Variants in FAM241A observed in about 807,000 individuals in gnomAD.
FAM241A encodes uncharacterized protein FAM241A.
In FAM241A, 7 loss-of-function variants were observed where a neutral mutation model predicts 12.2. The ratio of observed to expected loss-of-function variants is 0.58; its 90% CI spans 0.33 to 1.08. FAM241A has a LOEUF of 1.08. FAM241A is among the 50% of genes least tolerant of loss of function. The pLI is 0.04. For synonymous variants in FAM241A, 74 were observed against 68.2 expected (o/e 1.08, Z -0.42); for missense variants, 161 against 169.7 (o/e 0.95, Z 0.29).
chr4:112,158,051 G>GA (rs1723388859), intron 1 of FAM241A, among the ~76,000 whole-genome samples: 1 of 151,890 alleles, frequency 6.6e-6, no homozygotes, highest in Admixed American at 6.6e-5. Context: ...AAACACTTGA[G>GA]AAAAATTACG....
chr4:112,164,734 A>G (rs1176580252), intron 1 of FAM241A, among the ~76,000 whole-genome samples: 2 of 152,252 alleles, frequency 1.3e-5, no homozygotes, highest in Non-Finnish European at 2.9e-5. Flanking sequence ...AGAATATATA[A>G]GGAGCTCAAA....
intron 1 of FAM241A, among the ~76,000 whole-genome samples, chr4:112,161,213 A>C (rs1723460335): frequency 6.6e-6 from 1 of 152,230 alleles, no homozygotes; most frequent in Admixed American, 6.5e-5. Flanking sequence ...AAAGCAGGAA[A>C]GATCTGAAAT....
At chr4:112,174,217 G>A (rs989013063) in intron 1 of FAM241A, among the ~76,000 whole-genome samples, 1 of 152,206 alleles carries the variant, frequency 6.6e-6, no homozygotes, top group African/African-American at 2.4e-5. Flanking sequence ...TCCCCTCCCT[G>A]CACTCACTGT....
At chr4:112,166,023 T>C (rs1031769701) in intron 1 of FAM241A, among the ~76,000 whole-genome samples, 2 of 151,762 alleles carry the variant, frequency 1.3e-5, no homozygotes, top group African/African-American at 4.8e-5. Context: ...CCCACAAATA[T>C]AGACACCTAC....
At chr4:112,180,909 T>C (rs1216987056) in intron 1 of FAM241A, among the ~76,000 whole-genome samples, 1 of 152,200 alleles carries the variant, frequency 6.6e-6, no homozygotes, top group Non-Finnish European at 1.5e-5. Flanking sequence ...ATAATTCTTA[T>C]GGAAGCAATA....
chr4:112,185,474 G>A (rs897301209), intron 1 of FAM241A, among the ~76,000 whole-genome samples: 23 of 152,032 alleles, frequency 1.5e-4, no homozygotes, highest in African/African-American at 5.3e-4. Flanking sequence ...GCCCTCCAGC[G>A]GATTCTAACG....
chr4:112,171,926 T>C (rs1198838055), intron 1 of FAM241A, among the ~76,000 whole-genome samples: 1 of 152,180 alleles, frequency 6.6e-6, no homozygotes, highest in Non-Finnish European at 1.5e-5. Context: ...TTTTTGCTGA[T>C]GTAAGTGAAT....
chr4:112,182,306 T>C (rs1456549584), intron 1 of FAM241A, among the ~76,000 whole-genome samples: 56 of 151,592 alleles, frequency 3.7e-4, no homozygotes, highest in Non-Finnish European at 1.5e-5. Flanking sequence ...TCGGATGACC[T>C]TTTGATAGCT....
At chr4:112,147,514 A>G (rs1354307023) in intron 1 of FAM241A, among the ~76,000 whole-genome samples, 2 of 152,220 alleles carry the variant, frequency 1.3e-5, no homozygotes, top group Non-Finnish European at 2.9e-5. Context: ...TTTCTTGGTA[A>G]TGTTATCACA....
At chr4:112,154,949 G>C (rs758237839) in intron 1 of FAM241A, among the ~76,000 whole-genome samples, 1 of 151,986 alleles carries the variant, frequency 6.6e-6, no homozygotes, top group Non-Finnish European at 1.5e-5. Flanking sequence ...TAGAAGAATC[G>C]CTTGAACCCA....
rs1724219553 is a variant in FAM241A at position 112,194,067 on chromosome 4, C to T, written c.*7129C>T. 1 of 140,530 alleles carries T rather than the reference C, an allele frequency of 7.1e-6. No homozygotes were observed. Among genetic ancestry groups the T allele is most frequent in the Non-Finnish European group, 1.5e-5 (1 of 65,976 alleles). 8.7% of individuals were successfully genotyped at this position (140,530 alleles called of 1,614,324 possible). A position where few individuals can be genotyped will look rare whatever the true frequency, so the allele number is the denominator to read the frequency against. On this transcript the variant is annotated 3_prime_UTR_variant, in exon 2 of 2. Transcript: ENST00000309733. ...TCTCCTTGAAGAGGTCCTTCACGTC[C>T]CTTGTAAGTTGGATTCCTAGGTATT...
At chr4:112,165,921 T>G (rs1197282500) in intron 1 of FAM241A, among the ~76,000 whole-genome samples, 1 of 152,222 alleles carries the variant, frequency 6.6e-6, no homozygotes, top group Non-Finnish European at 1.5e-5. Flanking sequence ...GGATTGTTTG[T>G]AACACAAAAG....
At chr4:112,168,352 A>G (rs1723643737) in intron 1 of FAM241A, among the ~76,000 whole-genome samples, 1 of 152,210 alleles carries the variant, frequency 6.6e-6, no homozygotes, top group Non-Finnish European at 1.5e-5. Flanking sequence ...TGATAGCTTA[A>G]TAGATATTTC....
chr4:112,154,787 C>T (rs1021104640), intron 1 of FAM241A, among the ~76,000 whole-genome samples: 9 of 151,896 alleles, frequency 5.9e-5, no homozygotes, highest in Admixed American at 2.6e-4. Context: ...AATCCCAGCA[C>T]TTTGGGAGGC....
At chr4:112,167,366 G>C (rs1723620929) in intron 1 of FAM241A, among the ~76,000 whole-genome samples, 1 of 152,160 alleles carries the variant, frequency 6.6e-6, no homozygotes, top group Admixed American at 6.5e-5. Flanking sequence ...GAAAAAGGGA[G>C]ATGAAGACAC....
chr4:112,189,751 T>C lies in FAM241A; in HGVS notation c.*2813T>C, dbSNP rs772893082. On this transcript the variant is annotated 3_prime_UTR_variant, in exon 2 of 2. Coordinates refer to ENST00000309733, the MANE Select transcript of FAM241A (RefSeq NM_152400.3). ...GGCTTACAAGAGCCAACTGTGAACA[T>C]TTTTTCTGCCTTCAGTGCTGTCAAG... 6.6e-6 allele frequency: 1 copy of C among 152,152 alleles called. No homozygotes were observed. The highest frequency in any genetic ancestry group is 2.1e-4 in the South Asian group (1 of 4,834). The allele number at this position is 152,152 out of a possible 1,614,324, so 9.4% of individuals were successfully genotyped here.
At position 112,191,616 on chromosome 4, in the gene FAM241A, T is replaced by C. The variant is rs1724165775; in HGVS notation, c.*4678T>C. On this transcript the variant is annotated 3_prime_UTR_variant, in exon 2 of 2. Transcript: ENST00000309733. Reference sequence around the variant, plus strand: ...TACTTCCAGAACTTTGTACATGCTTTACTTCTTTAACTGCTCCCTACCAGA... The same window carrying C: ...TACTTCCAGAACTTTGTACATGCTTCACTTCTTTAACTGCTCCCTACCAGA... 1 of 151,814 alleles carries C rather than the reference T, an allele frequency of 6.6e-6. No individual in the cohort carries two copies. Among genetic ancestry groups the C allele is most frequent in the Non-Finnish European group, 1.5e-5 (1 of 68,070 alleles). 9.4% of individuals were successfully genotyped at this position (151,814 alleles called of 1,614,324 possible).
At chr4:112,160,972 G>T (rs149851578) in intron 1 of FAM241A, among the ~76,000 whole-genome samples, 1 of 152,094 alleles carries the variant, frequency 6.6e-6, no homozygotes, top group Non-Finnish European at 1.5e-5. Flanking sequence ...GAAAACATTG[G>T]GGAAAAGCTC....
chr4:112,163,606 A>G (rs1352338115), intron 1 of FAM241A, among the ~76,000 whole-genome samples: 1 of 152,250 alleles, frequency 6.6e-6, no homozygotes, highest in Non-Finnish European at 1.5e-5. Flanking sequence ...CAAAACCACA[A>G]TGAGATACCA....
Sources: gnomAD v4.1 joint callset for allele counts (sites outside exome capture counted in the v4.1 genomes callset) on GRCh38, gnomAD v4.1.1 for gene constraint, MANE v1.5 for transcripts, NCBI Gene and HGNC (gene_info 2026-07-23, HGNC 2026-07-21) for gene names.